YEATS2: variants seen among roughly 807,000 people sequenced by gnomAD.
The protein encoded by YEATS2 is YEATS domain containing 2, also known as YEATS domain-containing protein 2.
Under a neutral mutation model 163.2 loss-of-function variants are expected in YEATS2, and 77 were observed. The observed-to-expected ratio is 0.47, with a 90% CI of 0.39 to 0.57. The LOEUF (loss-of-function observed/expected upper bound fraction) is 0.57, where lower values mean the gene tolerates loss of function less well. YEATS2 is among the 20% of genes least tolerant of loss of function. The pLI, the probability that YEATS2 is intolerant of heterozygous loss-of-function variation, is 0.00. For synonymous variants in YEATS2, 631 were observed against 645.1 expected, an observed-to-expected ratio of 0.98 and a Z score of 0.33; for missense variants, 1,549 against 1,729.8, an observed-to-expected ratio of 0.90 and a Z score of 1.85.
chr3:183,774,004 A>G (rs1460341511), intron 17 of YEATS2, among the ~76,000 whole-genome samples: 1 of 152,208 alleles, frequency 6.6e-6, no homozygotes, highest in Non-Finnish European at 1.5e-5. Context: ...ATCAGAGATG[A>G]ATCACTCTGG....
chr3:183,702,384 G>T (rs1454616130), intron 1 of YEATS2, among the ~76,000 whole-genome samples: 1 of 152,174 alleles, frequency 6.6e-6, no homozygotes, highest in Non-Finnish European at 1.5e-5. Context: ...GGCAGAGGTT[G>T]CAGTGAGCCA....
intron 15 of YEATS2, among the ~76,000 whole-genome samples, chr3:183,769,761 C>T (rs1257217247): frequency 6.6e-6 from 1 of 152,070 alleles, no homozygotes; most frequent in Non-Finnish European, 1.5e-5. Context: ...GGCACGATCT[C>T]AGCTCACTGC....
chr3:183,808,926 TG>T lies in YEATS2; in HGVS notation c.4087-169del, dbSNP rs759958645. Reference sequence around the variant, plus strand: ...TCCAATTCATAATTTCTCAGAATCATGGCCTTTATCATTATGGTCTATTATT... The same window carrying T: ...TCCAATTCATAATTTCTCAGAATCATGCCTTTATCATTATGGTCTATTATT... On this transcript the variant is annotated intron_variant, in intron 29 of 30. Transcript: ENST00000305135. The T allele has an allele frequency of 2.9e-5, 17 of 582,544 alleles. No individual in the cohort carries two copies. In the African/African-American group the frequency reaches 3.0e-4, roughly 10 times the overall value. The allele number at this position is 582,544 out of a possible 1,614,324, so 36.1% of individuals were successfully genotyped here. A position where few individuals can be genotyped will look rare whatever the true frequency, so the allele number is the denominator to read the frequency against.
At chr3:183,798,638 G>A (rs1046033835) in intron 22 of YEATS2, among the ~76,000 whole-genome samples, 5 of 152,318 alleles carry the variant, frequency 3.3e-5, no homozygotes, top group Non-Finnish European at 7.4e-5. Flanking sequence ...ACAGGTGTGA[G>A]CCACTGCCCC....
At position 183,776,054 on chromosome 3, in the gene YEATS2, T is replaced by G. The variant is rs780793712; in HGVS notation, c.2508T>G (p.Ser836Arg). ...GGGTAGGGTQSTAGPGGISQH... is the reference protein window; with the variant it reads ...GGGTAGGGTQRTAGPGGISQH... ...GAACAGCAGGAGGAGGAACTCAAAG[T>G]ACTGCTGGCCCTGGAGGGATATCTC... The change falls in exon 18 of 31, where the codon AGT becomes AGG. Residue 836 changes from serine (S) to arginine (R), a missense_variant. Physicochemically the swap from Ser to Arg is moderately radical, Grantham distance 110 (BLOSUM62 -1). Transcript: ENST00000305135. 8.1e-6 allele frequency: 13 copies of G among 1,613,280 alleles called. No homozygotes were observed. The highest frequency in any genetic ancestry group is 1.0e-5 in the Non-Finnish European group (12 of 1,179,658).
At chr3:183,730,048 GTTTGTTTTTTTT>G (rs1717572349) in intron 7 of YEATS2, among the ~76,000 whole-genome samples, 5 of 20,798 alleles carry the variant, frequency 2.4e-4, no homozygotes, top group African/African-American at 6.4e-4. Context: ...GTGGTTTTTT[GTTTGTTTTTTTT>G]TTTTTTTTTT....
At chr3:183,765,938 C>G (rs1173455760) in intron 15 of YEATS2, among the ~76,000 whole-genome samples, 2 of 149,106 alleles carry the variant, frequency 1.3e-5, no homozygotes, top group African/African-American at 2.5e-5. Context: ...TAGAGCAAGA[C>G]TCTGTCTAAA....
At chr3:183,772,652 T>A in intron 16 of YEATS2, 89 bp downstream of exon 16, 1 of 1,525,138 alleles carries the variant, frequency 6.6e-7, no homozygotes, top group Non-Finnish European at 8.9e-7. Context: ...TTTGATCTGG[T>A]CTAGGAAAGC....
At chr3:183,752,005 G>C in intron 9 of YEATS2, 68 bp from the exon 10 acceptor site, 1 of 1,552,216 alleles carries the variant, frequency 6.4e-7, no homozygotes, top group Non-Finnish European at 8.8e-7. Context: ...TACATTCTTG[G>C]ACGGGACTTG....
chr3:183,754,363 CAGGT>C lies in YEATS2; in HGVS notation c.1390_1390+3del. On this transcript the variant is annotated splice_donor_variant and coding_sequence_variant, in exon 11 of 31. Coordinates refer to ENST00000305135, the MANE Select transcript of YEATS2 (RefSeq NM_018023.5). LOFTEE classifies it high-confidence loss of function. ...ATCACCATGAGCTGCAAGATTGTGT[CAGGT>C]ATGCAGATGTTTTGAAGACAGTGTA... is the stretch of plus-strand genomic sequence containing the variant. 1.9e-6 allele frequency: 3 copies of C among 1,611,670 alleles called. No homozygotes were observed. The highest frequency in any genetic ancestry group is 2.5e-6 in the Non-Finnish European group (3 of 1,178,098).
intron 15 of YEATS2, among the ~76,000 whole-genome samples, chr3:183,767,970 A>G (rs572703614): frequency 4.6e-5 from 7 of 152,308 alleles, no homozygotes; most frequent in Admixed American, 1.3e-4. Context: ...TGTTTTCCCT[A>G]AGTTATTTGC....
chr3:183,736,575 AT>A, intron 7 of YEATS2, 142 bp from the exon 8 acceptor site: 1 of 590,114 alleles, frequency 1.7e-6, no homozygotes, highest in Non-Finnish European at 2.8e-6. Flanking sequence ...AAAATTCGGC[AT>A]GTTGATTTAG....
intron 23 of YEATS2, among the ~76,000 whole-genome samples, chr3:183,800,248 T>C (rs1245802454): frequency 6.6e-6 from 1 of 152,192 alleles, no homozygotes; most frequent in Non-Finnish European, 1.5e-5. Flanking sequence ...CGCCCTGTCA[T>C]GAGGCTGGAG....
intron 27 of YEATS2, among the ~76,000 whole-genome samples, chr3:183,805,109 G>A (rs1726053507): frequency 6.7e-6 from 1 of 150,066 alleles, no homozygotes; most frequent in African/African-American, 2.5e-5. Flanking sequence ...CAAAGAATAA[G>A]AAGGGTTGGG....
In YEATS2 at chr3:183,790,874, G is replaced by A. The variant is rs202049712; in HGVS notation, c.2991G>A (p.Val997=). ...TKTSGQQQVC[V]SQATVGTCKA... is the part of the protein sequence containing the mutation. ...CTTCTGGGCAGCAGCAAGTGTGTGT[G>A]AGCCAGGCCACCGTGGGAACCTGCA... is the stretch of plus-strand genomic sequence containing the variant. Residue 997 remains valine (V), a synonymous_variant, in exon 21 of 31, where the codon GTG becomes GTA. Coordinates refer to ENST00000305135, the MANE Select transcript of YEATS2 (RefSeq NM_018023.5). 144 of 1,614,160 alleles carry A rather than the reference G, an allele frequency of 8.9e-5. No individual in the cohort carries two copies. Among genetic ancestry groups the A allele is most frequent in the Non-Finnish European group, 1.0e-4 (122 of 1,180,034 alleles).
rs1364688779 is a variant in YEATS2 at position 183,697,817 on chromosome 3, T to A, written c.-196T>A. 1 of 149,504 alleles carries A rather than the reference T, an allele frequency of 6.7e-6. No individual in the cohort carries two copies. Among genetic ancestry groups the A allele is most frequent in the Non-Finnish European group, 1.5e-5 (1 of 67,222 alleles). 9.3% of individuals were successfully genotyped at this position (149,504 alleles called of 1,614,324 possible). A position where few individuals can be genotyped will look rare whatever the true frequency, so the allele number is the denominator to read the frequency against. On this transcript the variant is annotated 5_prime_UTR_variant, in exon 1 of 31. Transcript: ENST00000305135. ...GCCCCGACGCGCCCAGCTGCTGACG[T>A]GCGGGGCGGAACGCGCCGGGCGGGC...
chr3:183,757,576 G>A (rs1373407018), intron 12 of YEATS2, among the ~76,000 whole-genome samples: 1 of 152,068 alleles, frequency 6.6e-6, no homozygotes, highest in Non-Finnish European at 1.5e-5. Flanking sequence ...TACCACGCCT[G>A]GCCCCATTCA....
intron 20 of YEATS2, 74 bp from the exon 21 acceptor site, chr3:183,790,723 T>G: frequency 6.6e-7 from 1 of 1,521,204 alleles, no homozygotes; most frequent in Non-Finnish European, 9.0e-7. Context: ...GTGTGCTGTG[T>G]GGCCGTCACC....
rs56188923 is a variant in YEATS2, at chr3:183,761,554, G to T, written c.1704G>T (p.Gly568=). ...FASMPPLCPI[G]SHPKVQSPKP... ...CTATGCCACCTCTTTGCCCAATTGG[G>T]AGTCACCCTAAGGTTCAAAGCCCCA... Residue 568 remains glycine (G), a synonymous_variant, in exon 14 of 31, where the codon GGG becomes GGT. Transcript: ENST00000305135. The T allele has an allele frequency of 1.2e-6, 2 of 1,614,036 alleles. No individual in the cohort carries two copies. The highest frequency in any genetic ancestry group is 1.7e-6 in the Non-Finnish European group (2 of 1,180,038).
Sources: gnomAD v4.1 joint callset for allele counts (sites outside exome capture counted in the v4.1 genomes callset) on GRCh38, gnomAD v4.1.1 for gene constraint, MANE v1.5 for transcripts, NCBI Gene and HGNC (gene_info 2026-07-23, HGNC 2026-07-21) for gene names.